ZNF529: variants seen among roughly 807,000 people sequenced by gnomAD.
The protein encoded by ZNF529 is zinc finger protein 529.
In ZNF529, 11 loss-of-function variants were observed where a neutral mutation model predicts 10.1. The ratio of observed to expected loss-of-function variants is 1.09; its 90% CI spans 0.69 to 1.81. ZNF529 has a LOEUF of 1.81. ZNF529 is among the 40% of genes most tolerant of loss of function. ZNF529 has a pLI of 0.00. For missense variants in ZNF529, 624 were observed against 666.8 expected (o/e 0.94, Z 0.71); for synonymous variants, 204 against 215.7 (o/e 0.95, Z 0.47).
intron 2 of ZNF529, among the ~76,000 whole-genome samples, chr19:36,565,045 A>G (rs2035843868): frequency 6.6e-6 from 1 of 152,206 alleles, no homozygotes; most frequent in Non-Finnish European, 1.5e-5. Context: ...AACACTGGGT[A>G]CAAATAGACA....
chr19:36,603,770 T>C (rs1221609173), intron 1 of ZNF529, among the ~76,000 whole-genome samples: 1 of 152,162 alleles, frequency 6.6e-6, no homozygotes, highest in African/African-American at 2.4e-5. Context: ...TAAAGAAAAG[T>C]CAGGTTCACC....
intron 2 of ZNF529, among the ~76,000 whole-genome samples, chr19:36,567,529 C>G (rs547870659): frequency 2.6e-5 from 4 of 152,120 alleles, no homozygotes; most frequent in Admixed American, 2.6e-4. Context: ...ACCTCCACCT[C>G]CCAGGTTCAA....
chr19:36,595,828 A>T (rs955886707), intron 1 of ZNF529, among the ~76,000 whole-genome samples: 12 of 152,156 alleles, frequency 7.9e-5, no homozygotes, highest in African/African-American at 2.9e-4. Context: ...GATAGCATAT[A>T]TCTACATTAT....
At chr19:36,559,125 A>G (rs2035585868) in intron 2 of ZNF529, among the ~76,000 whole-genome samples, 1 of 152,168 alleles carries the variant, frequency 6.6e-6, no homozygotes, top group Admixed American at 6.5e-5. Flanking sequence ...AAAAGACAAG[A>G]AAGAAAAAAA....
chr19:36,571,260 A>G (rs1358201857), intron 2 of ZNF529, among the ~76,000 whole-genome samples: 3 of 152,248 alleles, frequency 2.0e-5, no homozygotes, highest in African/African-American at 7.2e-5. Flanking sequence ...TGGTATAAAG[A>G]TATGAGTGTA....
chr19:36,553,134 CT>C (rs1020572936), intron 4 of ZNF529, among the ~76,000 whole-genome samples: 2 of 151,838 alleles, frequency 1.3e-5, no homozygotes, highest in Admixed American at 6.6e-5. Flanking sequence ...TAAACAAGTC[CT>C]TTTTTTATGA....
At position 36,547,204 on chromosome 19, in the gene ZNF529, A is replaced by G; in HGVS notation, c.1354T>C (p.Cys452Arg). 6.2e-7 allele frequency: 1 copy of G among 1,613,858 alleles called. No homozygotes were observed. Residue 452 changes from cysteine to arginine, a missense_variant, in exon 5 of 5, where the codon TGT becomes CGT. Coordinates refer to ENST00000591340, the MANE Select transcript of ZNF529 (RefSeq NM_020951.5). Reference sequence around the variant, plus strand: ...CTAAAGAACTTTCCACACTCCTTACATTCATAAGGTTTTTGACCACTGTGA... The same window carrying G: ...CTAAAGAACTTTCCACACTCCTTACGTTCATAAGGTTTTTGACCACTGTGA... ...RIHSGQKPYE[C>R]KECGKFFRLT...
intron 3 of ZNF529, 102 bp downstream of exon 3, chr19:36,556,002 G>A (rs1051117803): frequency 1.6e-5 from 19 of 1,220,542 alleles, no homozygotes; most frequent in East Asian, 7.7e-5. Flanking sequence ...ACTAGAAAGC[G>A]AAGAAGTATG....
chr19:36,594,351 T>A (rs1392728321), intron 1 of ZNF529: 1 of 152,220 alleles, frequency 6.6e-6, no homozygotes, highest in African/African-American at 2.4e-5. Context: ...TGGGACTCCC[T>A]TGATAAACAG....
At chr19:36,563,346 C>G (rs2035781119) in intron 2 of ZNF529, among the ~76,000 whole-genome samples, 5 of 151,622 alleles carry the variant, frequency 3.3e-5, no homozygotes, top group Admixed American at 3.3e-4. Flanking sequence ...TCGCGTGAAC[C>G]CAGGAGGCGG....
At chr19:36,576,993 C>T (rs2036337071), upstream of ZNF529, 1 of 250,652 alleles carries the variant, frequency 4.0e-6, no homozygotes. Context: ...GTCTTTGTCA[C>T]CCAGGCTGGG....
chr19:36,591,521 C>T (rs1024512226), intron 1 of ZNF529, among the ~76,000 whole-genome samples: 1 of 150,892 alleles, frequency 6.6e-6, no homozygotes, highest in Non-Finnish European at 1.5e-5. Context: ...AGATCGAGAC[C>T]ATCCTGGCTA....
Position 36,543,725 on chromosome 19 carries a change from ACTTTC to A in ZNF529, c.*3136_*3140del. 6.6e-6 allele frequency: 1 copy of A among 152,030 alleles called. No individual in the cohort carries two copies. The highest frequency in any genetic ancestry group is 2.1e-4 in the South Asian group (1 of 4,814). 9.4% of individuals were successfully genotyped at this position (152,030 alleles called of 1,614,324 possible). ...GGCTTCTCCTTGTGTCCTCATGTGG[ACTTTC>A]CTTTGTGTGTGAGCATAGGAAGAGA... is the stretch of plus-strand genomic sequence containing the variant. On this transcript the variant is annotated 3_prime_UTR_variant, in exon 5 of 5. Transcript: ENST00000591340.
intron 1 of ZNF529, among the ~76,000 whole-genome samples, chr19:36,604,025 CA>C (rs1342298296): frequency 6.6e-6 from 1 of 152,052 alleles, no homozygotes; most frequent in Non-Finnish European, 1.5e-5. Context: ...ACTAAAAATA[CA>C]AAAATGAGCC....
chr19:36,570,048 A>C (rs1188914983), intron 2 of ZNF529, among the ~76,000 whole-genome samples: 1 of 152,162 alleles, frequency 6.6e-6, no homozygotes, highest in Non-Finnish European at 1.5e-5. Context: ...TCATGCCCAC[A>C]TGACTGATCG....
At chr19:36,554,184 G>A (rs1186672398) in intron 4 of ZNF529, among the ~76,000 whole-genome samples, 3 of 152,188 alleles carry the variant, frequency 2.0e-5, no homozygotes, top group Non-Finnish European at 4.4e-5. Context: ...GCCTAAGAAG[G>A]TAAGAATATC....
intron 1 of ZNF529, among the ~76,000 whole-genome samples, chr19:36,572,599 C>T (rs2036165799): frequency 6.6e-6 from 1 of 152,184 alleles, no homozygotes; most frequent in Non-Finnish European, 1.5e-5. Flanking sequence ...TCAGGAAATA[C>T]TGTAGTTCTT....
At chr19:36,549,447 A>G (rs1017254036) in intron 4 of ZNF529, among the ~76,000 whole-genome samples, 26 of 152,216 alleles carry the variant, frequency 1.7e-4, no homozygotes, top group Non-Finnish European at 7.3e-5. Flanking sequence ...ATATACAAAG[A>G]TAAGTCACTA....
At chr19:36,575,665 C>G (rs952258252), upstream of ZNF529, among the ~76,000 whole-genome samples, 1 of 152,068 alleles carries the variant, frequency 6.6e-6, no homozygotes, top group Admixed American at 6.6e-5. Flanking sequence ...AAATTTCTTT[C>G]AACTGTCTAG....
Sources: allele counts gnomAD v4.1 joint callset (sites outside exome capture counted in the v4.1 genomes callset), GRCh38; gene constraint gnomAD v4.1.1; transcripts MANE v1.5; gene names NCBI Gene and HGNC (gene_info 2026-07-23, HGNC 2026-07-21).